METTL4: variants seen among roughly 807,000 people sequenced by gnomAD.
METTL4 encodes methyltransferase 4, N6-adenosine.
In METTL4, 40 loss-of-function variants were observed where a neutral mutation model predicts 54.0. That is an observed-to-expected ratio of 0.74 (90% CI 0.58 to 0.96). The LOEUF is 0.96. Among genes scored for constraint, METTL4 ranks in the 50% least tolerant of loss-of-function variants. The pLI is 0.00. For synonymous variants in METTL4, 169 were observed against 183.8 expected, an observed-to-expected ratio of 0.92 and a Z score of 0.65; for missense variants, 525 against 549.0, an observed-to-expected ratio of 0.96 and a Z score of 0.44.
At chr18:2,564,162 G>A (rs1408300974) in intron 2 of METTL4, among the ~76,000 whole-genome samples, 1 of 152,048 alleles carries the variant, frequency 6.6e-6, no homozygotes, top group Non-Finnish European at 1.5e-5. Context: ...CCAGCACTTT[G>A]GGAGGCCAAG....
intron 8 of METTL4, chr18:2,540,903 T>C: frequency 1.0e-6 from 1 of 985,426 alleles, no homozygotes; most frequent in Middle Eastern, 5.2e-4. Context: ...GTCAAAAATG[T>C]TTCCTCTTCT....
chr18:2,563,540 A>T (rs532563644), intron 3 of METTL4, among the ~76,000 whole-genome samples: 103 of 141,148 alleles, frequency 7.3e-4, no homozygotes, highest in African/African-American at 2.6e-3. Flanking sequence ...GGCTACAGTG[A>T]GCTGAGATCA....
At chr18:2,558,321 T>C (rs2072267971) in intron 3 of METTL4, among the ~76,000 whole-genome samples, 1 of 152,150 alleles carries the variant, frequency 6.6e-6, no homozygotes, top group South Asian at 2.1e-4. Context: ...GACACTGAGA[T>C]AAACTCATTA....
chr18:2,568,211 C>A (rs1452131519), intron 1 of METTL4, among the ~76,000 whole-genome samples: 1 of 152,236 alleles, frequency 6.6e-6, no homozygotes, highest in East Asian at 1.9e-4. Context: ...TGGCTCACCG[C>A]CCCTGTAGCC....
rs2071950705 is a variant in METTL4 at position 2,538,935 on chromosome 18, CTTAGAA to C, written c.*59_*64del. ...GGTTGGTAACAAAATAAAAAAATGA[CTTAGAA>C]TTAAGGGAAAAGTGGTGAGGAAACA... On this transcript the variant is annotated 3_prime_UTR_variant, in exon 9 of 9. Transcript: ENST00000574538. The C allele has an allele frequency of 6.5e-7, 1 of 1,536,052 alleles. No individual in the cohort carries two copies. Among genetic ancestry groups the C allele is most frequent in the African/African-American group, 1.4e-5 (1 of 71,830 alleles).
chr18:2,537,671 C>T lies in METTL4; in HGVS notation c.*1329G>A, dbSNP rs556215785. ...CAAACTTCAAAAATAACATATTTTT[C>T]TTTGACAAAATCAGTAAATTGGCAA... On this transcript the variant is annotated 3_prime_UTR_variant, in exon 9 of 9. Coordinates refer to ENST00000574538, the MANE Select transcript of METTL4 (RefSeq NM_022840.5). The T allele has an allele frequency of 7.7e-6, 3 of 390,214 alleles. No homozygotes were observed. The South Asian group carries it at 4.3e-4, about 56-fold the overall frequency. The allele number at this position is 390,214 out of a possible 1,614,324, so 24.2% of individuals were successfully genotyped here. A position where few individuals can be genotyped will look rare whatever the true frequency, so the allele number is the denominator to read the frequency against.
At position 2,538,921 on chromosome 18, in the gene METTL4, A is replaced by G; in HGVS notation, c.*79T>C. ...ATTCTAAGAATATGGGTTGGTAACA[A>G]AATAAAAAAATGACTTAGAATTAAG... On this transcript the variant is annotated 3_prime_UTR_variant, in exon 9 of 9. Transcript: ENST00000574538. 1 of 1,502,184 alleles carries G rather than the reference A, an allele frequency of 6.7e-7. No homozygotes were observed. The highest frequency in any genetic ancestry group is 9.0e-7 in the Non-Finnish European group (1 of 1,107,632). 93.1% of individuals were successfully genotyped at this position (1,502,184 alleles called of 1,614,324 possible). A position where few individuals can be genotyped will look rare whatever the true frequency, so the allele number is the denominator to read the frequency against.
chr18:2,567,696 CCT>C (rs2072442095), intron 1 of METTL4, 42 bp from the exon 2 acceptor site: 1 of 152,636 alleles, frequency 6.6e-6, no homozygotes, highest in Non-Finnish European at 1.5e-5. Context: ...GTGAATTCAC[CCT>C]TTTTAATGAG....
At chr18:2,546,893 C>T (rs1009529487) in intron 6 of METTL4, among the ~76,000 whole-genome samples, 1 of 152,134 alleles carries the variant, frequency 6.6e-6, no homozygotes, top group Admixed American at 6.5e-5. Flanking sequence ...GTTCTGGCAT[C>T]TTCCCATCCC....
intron 2 of METTL4, among the ~76,000 whole-genome samples, chr18:2,564,191 C>CA (rs1693830006): frequency 6.6e-6 from 1 of 150,540 alleles, no homozygotes; most frequent in Non-Finnish European, 1.5e-5. Flanking sequence ...ATCACGAGGT[C>CA]AGAAGATCGA....
At chr18:2,568,012 T>A (rs1271030566) in intron 1 of METTL4, among the ~76,000 whole-genome samples, 2 of 152,246 alleles carry the variant, frequency 1.3e-5, no homozygotes, top group Non-Finnish European at 2.9e-5. Flanking sequence ...AGAACTAACC[T>A]TTTTTCAAAA....
Position 2,567,147 on chromosome 18 carries a change from A to G in METTL4, c.70T>C (p.Tyr24His), listed in dbSNP as rs1334596841. The G allele has an allele frequency of 6.2e-7, 1 of 1,614,026 alleles. No homozygotes were observed. The highest frequency in any genetic ancestry group is 1.1e-5 in the South Asian group (1 of 91,072). Residue 24 changes from tyrosine to histidine, a missense_variant, in exon 2 of 9, where the codon TAT (tyrosine) becomes CAT (histidine). Coordinates refer to ENST00000574538, the MANE Select transcript of METTL4 (RefSeq NM_022840.5). Reference protein sequence around the residue: ...DHLSFINKINYQLHQHHEPCC... With the variant: ...DHLSFINKINHQLHQHHEPCC... ...GGTTCATGATGCTGGTGAAGTTGAT[A>G]GTTTATCTTGTTGATAAAAGAAAGA... is the stretch of plus-strand genomic sequence containing the variant.
chr18:2,549,678 A>G (rs1287353967), intron 5 of METTL4, among the ~76,000 whole-genome samples: 2 of 152,016 alleles, frequency 1.3e-5, no homozygotes, highest in Non-Finnish European at 2.9e-5. Context: ...GACAATCAAT[A>G]AGTATTTCTT....
In METTL4 at chr18:2,547,554, G is replaced by A. The variant is rs1484132408; in HGVS notation, c.900-25C>T. 9.1e-6 allele frequency: 14 copies of A among 1,535,716 alleles called. No homozygotes were observed. The African/African-American group carries it at 9.7e-5, about 11-fold the overall frequency. ...CCTAAAAATAAACGGAAAAAAGGAT[G>A]AGCAAAATTCACTGCAAAAGAAGAA... On this transcript the variant is annotated intron_variant, in intron 5 of 8. Coordinates refer to ENST00000574538, the MANE Select transcript of METTL4 (RefSeq NM_022840.5).
Position 2,538,215 on chromosome 18 carries a change from CATGTT to C in METTL4, c.*780_*784del. 1 of 301,634 alleles carries C rather than the reference CATGTT, an allele frequency of 3.3e-6. No homozygotes were observed. Among genetic ancestry groups the C allele is most frequent in the Non-Finnish European group, 6.0e-6 (1 of 167,082 alleles). The allele number at this position is 301,634 out of a possible 1,614,324, so 18.7% of individuals were successfully genotyped here. A position where few individuals can be genotyped will look rare whatever the true frequency, so the allele number is the denominator to read the frequency against. On this transcript the variant is annotated 3_prime_UTR_variant, in exon 9 of 9. Transcript: ENST00000574538. ...CACAATCACACTGTTTACTTGCTGC[CATGTT>C]TATTATAAGGAATAGCTTTTCATTT...
At chr18:2,543,369 A>G (rs1012934579) in intron 8 of METTL4, among the ~76,000 whole-genome samples, 5 of 152,200 alleles carry the variant, frequency 3.3e-5, no homozygotes, top group African/African-American at 1.2e-4. Context: ...AATCCTTTGA[A>G]AAGTAAACTT....
chr18:2,549,056 T>C (rs1234159366), intron 5 of METTL4, among the ~76,000 whole-genome samples: 2 of 152,162 alleles, frequency 1.3e-5, no homozygotes, highest in African/African-American at 4.8e-5. Context: ...TTGACCAAAC[T>C]CTCTCTTAGC....
rs1208428715 is a variant in METTL4, at chr18:2,544,646, T to C, written c.1181+7A>G. On this transcript the variant is annotated splice_region_variant and intron_variant, in intron 7 of 8. Transcript: ENST00000574538. Reference sequence around the variant, plus strand: ...TGTATACAATTTTGAAAAATCACCTTTCCTACCTCAATGGTAGAGCAGTTT... The same window carrying C: ...TGTATACAATTTTGAAAAATCACCTCTCCTACCTCAATGGTAGAGCAGTTT... 5.1e-6 allele frequency: 8 copies of C among 1,565,908 alleles called. No homozygotes were observed. The highest frequency in any genetic ancestry group is 7.0e-6 in the Non-Finnish European group (8 of 1,144,086).
Position 2,537,954 on chromosome 18 carries a change from G to A in METTL4, c.*1046C>T. 1 of 398,472 alleles carries A rather than the reference G, an allele frequency of 2.5e-6. No homozygotes were observed. The highest frequency in any genetic ancestry group is 4.4e-6 in the Non-Finnish European group (1 of 225,988). 24.7% of individuals were successfully genotyped at this position (398,472 alleles called of 1,614,324 possible). A position where few individuals can be genotyped will look rare whatever the true frequency, so the allele number is the denominator to read the frequency against. ...AAAGGAAAAATGAGAAGTTTTCAGG[G>A]TAAAGAAAGTGTTCTGTATCATGAT... On this transcript the variant is annotated 3_prime_UTR_variant, in exon 9 of 9. Coordinates refer to ENST00000574538, the MANE Select transcript of METTL4 (RefSeq NM_022840.5).
Sources: gnomAD v4.1 joint callset for allele counts (sites outside exome capture counted in the v4.1 genomes callset) on GRCh38, gnomAD v4.1.1 for gene constraint, MANE v1.5 for transcripts, NCBI Gene and HGNC (gene_info 2026-07-23, HGNC 2026-07-21) for gene names.